Variants in MED12L observed in about 807,000 individuals in gnomAD.
The protein encoded by MED12L is mediator complex subunit 12L, also known as mediator of RNA polymerase II transcription subunit 12-like protein.
MED12L carries 60 observed loss-of-function variants against 281.3 expected under a neutral mutation model. The observed-to-expected ratio is 0.21, with a 90% CI of 0.17 to 0.26. The LOEUF (loss-of-function observed/expected upper bound fraction) is 0.26, where lower values mean the gene tolerates loss of function less well. Ranked by LOEUF, MED12L falls within the 10% of genes least tolerant of loss-of-function variation. The probability of loss-of-function intolerance (pLI) is 1.00; values close to 1 mark genes in which losing one functional copy is unlikely to be tolerated. For missense variants in MED12L, 2,146 were observed against 2,680.9 expected (o/e 0.80, Z 4.41); for synonymous variants, 974 against 987.2 (o/e 0.99, Z 0.25).
chr3:151,391,177 T>A (rs11707416), intron 38 of MED12L, among the ~76,000 whole-genome samples: 42,253 of 152,138 alleles, frequency 0.28, 7,242 homozygotes, highest in Non-Finnish European at 0.38. Context: ...AAATAAAGTT[T>A]ATGTTACACA....
intron 21 of MED12L, among the ~76,000 whole-genome samples, chr3:151,362,778 A>G (rs1577443827): frequency 6.6e-6 from 1 of 152,182 alleles, no homozygotes; most frequent in African/African-American, 2.4e-5. Context: ...TGGTATTAAT[A>G]AAGTGTGAAA....
intron 39 of MED12L, among the ~76,000 whole-genome samples, chr3:151,395,428 A>G (rs908842970): frequency 6.6e-6 from 1 of 152,168 alleles, no homozygotes; most frequent in African/African-American, 2.4e-5. Context: ...TTATATTTCT[A>G]TTTTTGTGGC....
At chr3:151,339,921 A>G (rs1751591332) in intron 16 of MED12L, among the ~76,000 whole-genome samples, 1 of 152,146 alleles carries the variant, frequency 6.6e-6, no homozygotes, top group Non-Finnish European at 1.5e-5. Context: ...CTTAATAATC[A>G]GAGATATATT....
intron 2 of MED12L, among the ~76,000 whole-genome samples, chr3:151,089,285 C>T (rs1409452224): frequency 6.6e-6 from 1 of 151,950 alleles, no homozygotes; most frequent in Non-Finnish European, 1.5e-5. Context: ...AAAATGAGAC[C>T]ATTACTATTA....
intron 16 of MED12L, chr3:151,212,124 A>G (rs1727268389): frequency 2.0e-5 from 3 of 152,240 alleles, no homozygotes; most frequent in South Asian, 4.1e-4. Context: ...AGACAGTATT[A>G]AAACATTTCT....
At chr3:151,432,619 A>C in intron 44 of MED12L, 133 bp from the exon 45 acceptor site, 1 of 635,838 alleles carries the variant, frequency 1.6e-6, no homozygotes, top group Non-Finnish European at 2.8e-6. Context: ...TTTTCAGGGC[A>C]AGGATAGTAC....
intron 16 of MED12L, chr3:151,198,234 G>C (rs1245971775): frequency 2.1e-6 from 1 of 471,346 alleles, no homozygotes; most frequent in African/African-American, 2.0e-5. Context: ...TTAATGAGTA[G>C]CAGCAAGCCT....
chr3:151,281,672 A>C (rs567186623), intron 16 of MED12L, among the ~76,000 whole-genome samples: 1 of 152,320 alleles, frequency 6.6e-6, no homozygotes, highest in African/African-American at 2.4e-5. Flanking sequence ...TGGAATCCTA[A>C]GATTAAAGTA....
chr3:151,414,330 T>C (rs1281988870), intron 42 of MED12L, among the ~76,000 whole-genome samples: 1 of 152,228 alleles, frequency 6.6e-6, no homozygotes, highest in African/African-American at 2.4e-5. Flanking sequence ...GATACACACT[T>C]ACTTTATATA....
intron 28 of MED12L, 83 bp downstream of exon 28, chr3:151,376,297 C>A: frequency 9.0e-7 from 1 of 1,113,416 alleles, no homozygotes; most frequent in Non-Finnish European, 1.2e-6. Context: ...CTTTTTTTGT[C>A]CTTGCTAATT....
At chr3:151,191,396 A>G (rs982525779) in intron 14 of MED12L, among the ~76,000 whole-genome samples, 1 of 152,250 alleles carries the variant, frequency 6.6e-6, no homozygotes, top group Non-Finnish European at 1.5e-5. Flanking sequence ...TTTTCATTTC[A>G]GTTAATTAAA....
chr3:151,331,752 A>G (rs919944814), intron 16 of MED12L, among the ~76,000 whole-genome samples: 3 of 152,216 alleles, frequency 2.0e-5, no homozygotes, highest in Non-Finnish European at 2.9e-5. Context: ...CACACTAGCT[A>G]TACTGTTTTA....
At chr3:151,235,780 A>C (rs1001121657) in intron 16 of MED12L, among the ~76,000 whole-genome samples, 2 of 152,062 alleles carry the variant, frequency 1.3e-5, no homozygotes, top group South Asian at 2.1e-4. Context: ...TGTGATTGTC[A>C]GTCTCTGGTA....
intron 16 of MED12L, chr3:151,294,503 C>A (rs545185538): frequency 6.2e-7 from 1 of 1,614,162 alleles, no homozygotes; most frequent in South Asian, 1.1e-5. Context: ...GTTATGTTTT[C>A]GCTTTCGGCT....
intron 16 of MED12L, among the ~76,000 whole-genome samples, chr3:151,237,584 C>T (rs1377313788): frequency 1.3e-5 from 2 of 151,392 alleles, no homozygotes; most frequent in Non-Finnish European, 2.9e-5. Context: ...CTCCTGACCT[C>T]AGGTGATCTG....
At chr3:151,258,437 A>G (rs1233108932) in intron 16 of MED12L, among the ~76,000 whole-genome samples, 1 of 152,206 alleles carries the variant, frequency 6.6e-6, no homozygotes, top group Admixed American at 6.5e-5. Flanking sequence ...AGACTGATTC[A>G]TGAAATGCTA....
intron 16 of MED12L, among the ~76,000 whole-genome samples, chr3:151,321,820 T>TC (rs1348924895): frequency 1.2e-4 from 18 of 152,212 alleles, no homozygotes; most frequent in Non-Finnish European, 8.8e-5. Flanking sequence ...CTTTTATCAC[T>TC]CCCCCCAATT....
At chr3:151,308,869 G>T (rs1747062456) in intron 16 of MED12L, among the ~76,000 whole-genome samples, 1 of 152,096 alleles carries the variant, frequency 6.6e-6, no homozygotes, top group Admixed American at 6.5e-5. Flanking sequence ...CCTTAATGCT[G>T]TTTAAGTTAA....
chr3:151,123,428 TC>T (rs1376508523), intron 4 of MED12L, among the ~76,000 whole-genome samples: 2 of 152,218 alleles, frequency 1.3e-5, no homozygotes. Flanking sequence ...GTGTGCTTGT[TC>T]TTTGAAAAAT....
Sources: allele counts gnomAD v4.1 joint callset (sites outside exome capture counted in the v4.1 genomes callset), GRCh38; gene constraint gnomAD v4.1.1; transcripts MANE v1.5; gene names NCBI Gene and HGNC (gene_info 2026-07-23, HGNC 2026-07-21).